Variants in RFX6 observed in about 807,000 individuals in gnomAD.
RFX6 encodes the protein regulatory factor X6.
RFX6 carries 50 observed loss-of-function variants against 110.8 expected under a neutral mutation model. The observed-to-expected ratio is 0.45, with a 90% CI of 0.36 to 0.57. The LOEUF is 0.57. Among genes scored for constraint, RFX6 ranks in the 20% least tolerant of loss-of-function variants. RFX6 has a pLI of 0.00. For missense variants in RFX6, 990 were observed against 1,127.0 expected, an observed-to-expected ratio of 0.88 and a Z score of 1.74; for synonymous variants, 383 against 411.2, an observed-to-expected ratio of 0.93 and a Z score of 0.83.
chr6:116,927,743 C>CTTTTTTTTTTTTTTTTTTTTT lies in RFX6; in HGVS notation c.2398+223_2398+224insTTTTTTTTTTTTTTTTTTTTT, dbSNP rs60638457. On this transcript the variant is annotated intron_variant, in intron 17 of 18. Transcript: ENST00000332958. The stretch of plus-strand genomic sequence containing the variant: ...GGCTTTCCTAAAGTTGCCCTTCTTC[C>CTTTTTTTTTTTTTTTTTTTTT]TTTTTTTTTTTTTTTTTTTGAGACA... 2.5e-5 allele frequency among the ~76,000 whole-genome samples: 3 copies of CTTTTTTTTTTTTTTTTTTTTT among 119,520 alleles called. 1 individual carries two copies. The highest frequency in any genetic ancestry group is 5.0e-5 in the Non-Finnish European group (3 of 59,470). The allele number at this position is 119,520 out of a possible 152,430, so 78.4% of individuals were successfully genotyped here.
At position 116,927,221 on chromosome 6, in the gene RFX6, C is replaced by A; in HGVS notation, c.2080C>A (p.His694Asn). ...TTATCCCACTCTCCCTCAAGCCAAT[C>A]ATGACTTTTATAGCACCAGCTCTAA... The part of the protein sequence containing the change: ...PIYPTLPQAN[H>N]DFYSTSSNYQ... The change falls in exon 17 of 19, where the codon CAT becomes AAT. Residue 694 changes from histidine (H) to asparagine (N), a missense_variant. Physicochemically the swap from His to Asn is moderately conservative, Grantham distance 68 (BLOSUM62 1). This residue lies in a region of RFX6 where 438 missense variants were observed against 441.9 expected (regional missense o/e 0.99). Transcript: ENST00000332958. The A allele has an allele frequency of 1.9e-6, 3 of 1,614,220 alleles. No homozygotes were observed. The highest frequency in any genetic ancestry group is 2.5e-6 in the Non-Finnish European group (3 of 1,180,026).
At chr6:116,881,801 T>A (rs1474541120) in intron 3 of RFX6, among the ~76,000 whole-genome samples, 1 of 152,128 alleles carries the variant, frequency 6.6e-6, no homozygotes, top group Non-Finnish European at 1.5e-5. Flanking sequence ...TAGTTTGCCA[T>A]GGAGCTCTTT....
intron 4 of RFX6, among the ~76,000 whole-genome samples, chr6:116,891,474 G>A (rs1173992884): frequency 6.6e-6 from 1 of 152,208 alleles, no homozygotes; most frequent in Non-Finnish European, 1.5e-5. Context: ...TGGCTAAAAT[G>A]TAGTATTTAA....
chr6:116,929,019 C>T lies in RFX6; in HGVS notation c.2611+48C>T, dbSNP rs673055. The T allele has an allele frequency of 0.23, 270,085 of 1,196,928 alleles. 34,434 individuals carry two copies. The highest frequency in any genetic ancestry group is 0.41 in the South Asian group (34,049 of 82,728). The allele number at this position is 1,196,928 out of a possible 1,614,324, so 74.1% of individuals were successfully genotyped here. The stretch of plus-strand genomic sequence containing the variant: ...GAAAACATTTTAAGAAGTTGTTAAC[C>T]TCAGGTATGCAACATTACTTGAGGG... On this transcript the variant is annotated intron_variant, in intron 18 of 18. Coordinates refer to ENST00000332958, the MANE Select transcript of RFX6 (RefSeq NM_173560.4).
chr6:116,880,496 G>A, intron 2 of RFX6, 48 bp from the exon 3 acceptor site: 2 of 1,568,424 alleles, frequency 1.3e-6, no homozygotes, highest in Non-Finnish European at 1.7e-6. Context: ...GAAAGTTGAA[G>A]GAAAAGGAAA....
rs1562136617 is a variant in RFX6, at chr6:116,895,176, T to A, written c.645-4T>A. On this transcript the variant is annotated splice_polypyrimidine_tract_variant and splice_region_variant and intron_variant, in intron 5 of 18. Coordinates refer to ENST00000332958, the MANE Select transcript of RFX6 (RefSeq NM_173560.4). ...ACTAATGGAAAATGTACTAATTTTT[T>A]AAGGTTTTCTGGAAGCAAGCTAAAG... is the stretch of plus-strand genomic sequence containing the variant. 2 of 1,463,424 alleles carry A rather than the reference T, an allele frequency of 1.4e-6. No individual in the cohort carries two copies. The highest frequency in any genetic ancestry group is 1.9e-6 in the Non-Finnish European group (2 of 1,044,662). The allele number at this position is 1,463,424 out of a possible 1,614,324, so 90.7% of individuals were successfully genotyped here. A position where few individuals can be genotyped will look rare whatever the true frequency, so the allele number is the denominator to read the frequency against.
At chr6:116,915,203 T>G (rs1260172837) in intron 7 of RFX6, among the ~76,000 whole-genome samples, 3 of 152,224 alleles carry the variant, frequency 2.0e-5, no homozygotes, top group Non-Finnish European at 4.4e-5. Context: ...TTAAAACTTT[T>G]AAACTATGCT....
chr6:116,920,209 A>G (rs1775562011), intron 11 of RFX6, 101 bp from the exon 12 acceptor site: 2 of 906,344 alleles, frequency 2.2e-6, no homozygotes, highest in South Asian at 1.3e-5. Flanking sequence ...GTTATTTATG[A>G]TACTTTTATC....
chr6:116,930,351 G>C (rs1013735931), intron 18 of RFX6, among the ~76,000 whole-genome samples: 1 of 144,474 alleles, frequency 6.9e-6, no homozygotes, highest in Non-Finnish European at 1.5e-5. Context: ...GGGCTAGTGA[G>C]CCAGTTAATG....
intron 18 of RFX6, among the ~76,000 whole-genome samples, chr6:116,930,270 G>C (rs1403260946): frequency 2.1e-5 from 3 of 142,310 alleles, no homozygotes; most frequent in African/African-American, 7.9e-5. Flanking sequence ...TAAGTATAAA[G>C]CCTGGTTCTT....
At chr6:116,922,189 G>A (rs761732988) in intron 13 of RFX6, 38 bp downstream of exon 13, 9 of 966,548 alleles carry the variant, frequency 9.3e-6, no homozygotes, top group Non-Finnish European at 1.5e-5. Flanking sequence ...TAAGTTCCTT[G>A]TAAAGAGTAA....
chr6:116,912,560 G>T (rs1479861047), intron 7 of RFX6, among the ~76,000 whole-genome samples: 3 of 152,238 alleles, frequency 2.0e-5, no homozygotes, highest in African/African-American at 7.2e-5. Context: ...TTAACATGTG[G>T]CAGTTTGTGA....
chr6:116,899,705 T>C (rs1775025232), intron 6 of RFX6, among the ~76,000 whole-genome samples: 1 of 152,162 alleles, frequency 6.6e-6, no homozygotes. Context: ...ATATAAACAA[T>C]TAAATATAAA....
rs780888984 is a variant in RFX6, at chr6:116,919,300, T to C, written c.1182+4T>C. On this transcript the variant is annotated splice_donor_region_variant and intron_variant, in intron 11 of 18. Transcript: ENST00000332958. ...ATCTTTCTTACATCTTGCCCAGGTA[T>C]GTTGGTTGCTAAGTCGAGAGCATTT... 14 of 1,612,698 alleles carry C rather than the reference T, an allele frequency of 8.7e-6. No individual in the cohort carries two copies. The highest frequency in any genetic ancestry group is 1.2e-5 in the Non-Finnish European group (14 of 1,178,818).
chr6:116,883,730 G>A (rs1465250079), intron 4 of RFX6, among the ~76,000 whole-genome samples: 1 of 152,142 alleles, frequency 6.6e-6, no homozygotes, highest in Non-Finnish European at 1.5e-5. Flanking sequence ...TTATTGGATA[G>A]CTCAGCTTTA....
At chr6:116,897,067 T>A (rs999140973) in intron 6 of RFX6, among the ~76,000 whole-genome samples, 2 of 152,108 alleles carry the variant, frequency 1.3e-5, no homozygotes, top group Non-Finnish European at 2.9e-5. Context: ...CTAGAGGGTG[T>A]CATGGGAGTA....
chr6:116,877,749 G>T, intron 1 of RFX6, 47 bp from the exon 2 acceptor site: 1 of 1,574,664 alleles, frequency 6.4e-7, no homozygotes, highest in South Asian at 1.1e-5. Context: ...CGACTTAGTT[G>T]ATTTTATATT....
intron 5 of RFX6, among the ~76,000 whole-genome samples, chr6:116,894,873 C>T (rs1374212316): frequency 6.6e-6 from 1 of 152,032 alleles, no homozygotes; most frequent in Non-Finnish European, 1.5e-5. Context: ...GCTTACTAGC[C>T]ACCACCCCAC....
rs1352768813 is a variant in RFX6 at position 116,924,790 on chromosome 6, A to C, written c.1677A>C (p.Ser559=). The change falls in exon 15 of 19, where the codon TCA becomes TCC. Residue 559 remains serine, a splice_region_variant and synonymous_variant. Transcript: ENST00000332958. ...QNLLDKYMKN[S]DASKAAFTAS... ...TATTGGACAAGTATATGAAGAATTCAGGTAACTTAAAATAACTGTTTTGTT... is the reference window on the plus strand; with the variant it reads ...TATTGGACAAGTATATGAAGAATTCCGGTAACTTAAAATAACTGTTTTGTT... 6.3e-7 allele frequency: 1 copy of C among 1,577,000 alleles called. No homozygotes were observed. Among genetic ancestry groups the C allele is most frequent in the African/African-American group, 1.3e-5 (1 of 74,210 alleles).
Sources: allele counts gnomAD v4.1 joint callset (sites outside exome capture counted in the v4.1 genomes callset), GRCh38; gene constraint gnomAD v4.1.1; regional missense constraint gnomAD v4.1.1; transcripts MANE v1.5; gene names NCBI Gene and HGNC (gene_info 2026-07-23, HGNC 2026-07-21).